The following DISC1 variants were observed in gnomAD, a reference collection of about 807,000 sequenced individuals.
DISC1 encodes disrupted in schizophrenia 1 protein.
A neutral mutation model predicts 84.5 loss-of-function variants in DISC1; 57 were observed. The ratio of observed to expected loss-of-function variants is 0.67; its 90% CI spans 0.55 to 0.84. The LOEUF is 0.84. Ranked by LOEUF, DISC1 falls within the 40% of genes least tolerant of loss-of-function variation. DISC1 has a pLI of 0.00. For missense variants in DISC1, 1,000 were observed against 1,057.8 expected (o/e 0.95, Z 0.76); for synonymous variants, 411 against 415.2 (o/e 0.99, Z 0.12).
intron 3 of DISC1, among the ~76,000 whole-genome samples, chr1:231,719,696 G>T (rs138577197): frequency 2.6e-5 from 4 of 152,204 alleles, no homozygotes; most frequent in African/African-American, 9.6e-5. Context: ...AGATCTGCTA[G>T]AGATAGGCTT....
In DISC1 at chr1:231,765,269, G is replaced by A. The variant is rs188933000; in HGVS notation, c.1269-1871G>A. On this transcript the variant is annotated intron_variant, in intron 4 of 12. Coordinates refer to ENST00000439617, the MANE Select transcript of DISC1 (RefSeq NM_018662.3). ...AACACTTCATTTATTTCTGAGGTGG[G>A]GGATCTTGCTATGTTGCCCAGGTTG... Among the ~76,000 whole-genome samples, 504 of 150,520 alleles carry A rather than the reference G, an allele frequency of 3.3e-3. 1 individual carries two copies. Among genetic ancestry groups the A allele is most frequent in the African/African-American group, 0.012 (481 of 40,940 alleles).
chr1:231,676,215 C>T (rs891540261), intron 1 of DISC1, among the ~76,000 whole-genome samples: 1 of 152,232 alleles, frequency 6.6e-6, no homozygotes, highest in East Asian at 1.9e-4. Flanking sequence ...TGATACATAA[C>T]AGTGGTATAT....
At chr1:231,970,472 G>T (rs1056190719) in intron 10 of DISC1, among the ~76,000 whole-genome samples, 1 of 152,216 alleles carries the variant, frequency 6.6e-6, no homozygotes, top group Non-Finnish European at 1.5e-5. Flanking sequence ...AGCCCTGTGG[G>T]CTTGTCTGGT....
At chr1:231,987,655 A>G (rs1664638041) in intron 10 of DISC1, among the ~76,000 whole-genome samples, 1 of 152,202 alleles carries the variant, frequency 6.6e-6, no homozygotes, top group Non-Finnish European at 1.5e-5. Flanking sequence ...GACTCCAGGT[A>G]TCTTTTTCTC....
chr1:231,718,768 G>A (rs199552708), intron 3 of DISC1, among the ~76,000 whole-genome samples: 11 of 152,150 alleles, frequency 7.2e-5, no homozygotes, highest in African/African-American at 1.2e-4. Flanking sequence ...GGTAGTTCCC[G>A]AAGGCATACT....
chr1:231,790,797 C>T (rs1168220539), intron 6 of DISC1, among the ~76,000 whole-genome samples: 2 of 152,152 alleles, frequency 1.3e-5, no homozygotes, highest in East Asian at 1.9e-4. Context: ...GGATTACAGG[C>T]GTGAGCCACC....
At position 231,856,043 on chromosome 1, in the gene DISC1, C is replaced by T. The variant is rs554661041; in HGVS notation, c.1981+37526C>T. On this transcript the variant is annotated intron_variant, in intron 9 of 12. Coordinates refer to ENST00000439617, the MANE Select transcript of DISC1 (RefSeq NM_018662.3). Reference sequence around the variant, plus strand: ...TGTTTTTGGCTTGACGTGCATATGCCGAAGGCTTCAGCAAACATAAACTCA... The same window carrying T: ...TGTTTTTGGCTTGACGTGCATATGCTGAAGGCTTCAGCAAACATAAACTCA... 9.7e-4 allele frequency among the ~76,000 whole-genome samples: 147 copies of T among 152,272 alleles called. 1 individual carries two copies. The highest frequency in any genetic ancestry group is 3.3e-3 in the African/African-American group (139 of 41,534).
At chr1:232,020,343 A>AAAAT (rs1420025018) in intron 11 of DISC1, among the ~76,000 whole-genome samples, 6 of 152,310 alleles carry the variant, frequency 3.9e-5, no homozygotes, top group African/African-American at 9.6e-5. Context: ...ACTGTCTCAA[A>AAAAT]AAATAAATAA....
At chr1:231,627,084 G>C in intron 1 of DISC1, 150 bp downstream of exon 1, 3 of 558,452 alleles carry the variant, frequency 5.4e-6, no homozygotes, top group Non-Finnish European at 8.9e-6. Flanking sequence ...GACGCGAGGC[G>C]TGCGAGGTTG....
intron 1 of DISC1, among the ~76,000 whole-genome samples, chr1:231,674,298 T>C (rs1464185780): frequency 6.6e-6 from 1 of 152,200 alleles, no homozygotes; most frequent in Non-Finnish European, 1.5e-5. Context: ...TCACATCTGT[T>C]ATATGTGCCA....
intron 11 of DISC1, among the ~76,000 whole-genome samples, chr1:232,012,262 A>G (rs1463879049): frequency 3.3e-5 from 5 of 152,154 alleles, no homozygotes; most frequent in Non-Finnish European, 5.9e-5. Context: ...CATGTATAAT[A>G]TACTCACTTT....
intron 9 of DISC1, among the ~76,000 whole-genome samples, chr1:231,831,021 T>C (rs1413373694): frequency 1.3e-5 from 2 of 152,228 alleles, no homozygotes; most frequent in East Asian, 3.9e-4. Context: ...TGAGGAATTA[T>C]GTCTGACAGA....
At chr1:231,853,938 A>T (rs1204260716) in intron 9 of DISC1, among the ~76,000 whole-genome samples, 1 of 152,224 alleles carries the variant, frequency 6.6e-6, no homozygotes, top group Non-Finnish European at 1.5e-5. Flanking sequence ...CTCCTTTAGC[A>T]GCTAAACTGA....
At chr1:231,842,333 G>T (rs2083141247) in intron 9 of DISC1, among the ~76,000 whole-genome samples, 1 of 152,106 alleles carries the variant, frequency 6.6e-6, no homozygotes, top group Admixed American at 6.5e-5. Flanking sequence ...TTAGTTTTCT[G>T]CCCCCAGTTC....
At chr1:231,655,009 A>G (rs1374010799) in intron 1 of DISC1, among the ~76,000 whole-genome samples, 2 of 152,204 alleles carry the variant, frequency 1.3e-5, no homozygotes, top group Non-Finnish European at 2.9e-5. Flanking sequence ...CTTTAGAAGC[A>G]GTCATTTCTT....
chr1:231,957,444 T>C (rs771887627), intron 9 of DISC1, among the ~76,000 whole-genome samples: 2 of 152,206 alleles, frequency 1.3e-5, no homozygotes, highest in Admixed American at 1.3e-4. Context: ...GTTTATTCTT[T>C]AGCATCCCTT....
rs200686720 is a variant in DISC1 at position 231,761,928 on chromosome 1, C to T, written c.1269-5212C>T. ...TTCCCTCCAGGTTCACAGTCAGGAA[C>T]GAGTAACTGCAAACAGGCTGAGACT... On this transcript the variant is annotated intron_variant, in intron 4 of 12. Transcript: ENST00000439617. Among the ~76,000 whole-genome samples, 154 of 40,900 alleles carry T rather than the reference C, an allele frequency of 3.8e-3. 2 individuals carry two copies. The highest frequency in any genetic ancestry group is 7.5e-3 in the Admixed American group (28 of 3,742). 26.8% of individuals were successfully genotyped at this position (40,900 alleles called of 152,430 possible).
intron 1 of DISC1, among the ~76,000 whole-genome samples, chr1:231,641,093 G>C (rs1343069304): frequency 6.6e-6 from 1 of 152,312 alleles, no homozygotes; most frequent in Admixed American, 6.5e-5. Context: ...AACTGTCAAG[G>C]TTCCCCATTA....
rs58931988 is a variant in DISC1, at chr1:231,948,861, A to ATTTTTTTTTT, written c.1982-9951_1982-9942dup. 8.5e-5 allele frequency among the ~76,000 whole-genome samples: 8 copies of ATTTTTTTTTT among 94,468 alleles called. No homozygotes were observed. The East Asian group carries it at 3.1e-3, about 36-fold the overall frequency. The allele number at this position is 94,468 out of a possible 152,430, so 62.0% of individuals were successfully genotyped here. A position where few individuals can be genotyped will look rare whatever the true frequency, so the allele number is the denominator to read the frequency against. Reference sequence around the variant, plus strand: ...AATCATTTGTATTTTTCCTGTGTTAATTTTTTTTTTTTTTTTTTTTTTTTT... The same window carrying ATTTTTTTTTT: ...AATCATTTGTATTTTTCCTGTGTTAATTTTTTTTTTTTTTTTTTTTTTTTTTTTTTTTTTT... On this transcript the variant is annotated intron_variant, in intron 9 of 12. Transcript: ENST00000439617.
Sources: gnomAD v4.1 joint callset for allele counts (sites outside exome capture counted in the v4.1 genomes callset) on GRCh38, gnomAD v4.1.1 for gene constraint, MANE v1.5 for transcripts, NCBI Gene and HGNC (gene_info 2026-07-23, HGNC 2026-07-21) for gene names.